The following AK8 variants were observed in gnomAD, a reference collection of about 807,000 sequenced individuals.
AK8 encodes ATP-AMP transphosphorylase 8.
Under a neutral mutation model 54.6 loss-of-function variants are expected in AK8, and 44 were observed. The observed-to-expected ratio is 0.81, with a 90% confidence interval of 0.63 to 1.04. The LOEUF (loss-of-function observed/expected upper bound fraction) is 1.04, where lower values mean the gene tolerates loss of function less well. Ranked by LOEUF, AK8 falls within the 50% of genes least tolerant of loss-of-function variation. The pLI, the probability that AK8 is intolerant of heterozygous loss-of-function variation, is 0.00. For missense variants in AK8, 555 were observed against 613.6 expected (o/e 0.90, Z 1.01); for synonymous variants, 239 against 245.6 (o/e 0.97, Z 0.25).
chr9:132,819,597 CATA>C (rs1278992005), intron 9 of AK8, among the ~76,000 whole-genome samples: 2 of 152,120 alleles, frequency 1.3e-5, no homozygotes, highest in Admixed American at 6.5e-5. Context: ...CAATAACTGA[CATA>C]ATAAGTAGAG....
Position 132,837,838 on chromosome 9 carries a change from CAAGCCCTCAG to C in AK8, c.403-9122_403-9113del, listed in dbSNP as rs376659563. Among the ~76,000 whole-genome samples the C allele has an allele frequency of 3.4e-4, 52 of 152,320 alleles. No individual in the cohort carries two copies. The highest frequency in any genetic ancestry group is 1.2e-3 in the African/African-American group (51 of 41,580). On this transcript the variant is annotated intron_variant, in intron 5 of 12. Coordinates refer to ENST00000298545, the MANE Select transcript of AK8 (RefSeq NM_152572.3). The surrounding 1 kb of genome is among the most constrained non-coding windows in gnomAD (Gnocchi z 4.3). ...CACTGTGCTGTGCCCGGCACCTCACCAAGCCCTCAGAAGCCCTGCCTCGCCGTGATGCGGG... is the reference window on the plus strand; with the variant it reads ...CACTGTGCTGTGCCCGGCACCTCACCAAGCCCTGCCTCGCCGTGATGCGGG...
rs898373995 is a variant in AK8 at position 132,860,897 on chromosome 9, A to G, written c.333+2768T>C. ...TGCCATTGTCCACACTGAATATTCA[A>G]TCTCAGTAGATCTGGACTAAAACAC... On this transcript the variant is annotated intron_variant, in intron 4 of 12. Coordinates refer to ENST00000298545, the MANE Select transcript of AK8 (RefSeq NM_152572.3). The surrounding 1 kb of genome is among the most constrained non-coding windows in gnomAD (Gnocchi z 4.4). 2.6e-5 allele frequency among the ~76,000 whole-genome samples: 4 copies of G among 152,176 alleles called. No homozygotes were observed. The highest frequency in any genetic ancestry group is 9.7e-5 in the African/African-American group (4 of 41,434).
chr9:132,823,171 C>T (rs776229893), intron 9 of AK8, 34 bp downstream of exon 9: 31 of 1,509,960 alleles, frequency 2.1e-5, no homozygotes, highest in Non-Finnish European at 2.6e-5. Context: ...GAAAGGCTCT[C>T]GAAGCTGGGC....
intron 11 of AK8, among the ~76,000 whole-genome samples, chr9:132,736,307 C>T (rs1477077295): frequency 2.6e-5 from 4 of 151,780 alleles, no homozygotes; most frequent in Admixed American, 2.6e-4. Flanking sequence ...CTGCCTCAGC[C>T]TCCCGAGTAG....
At chr9:132,855,033 GACC>G in intron 4 of AK8, 108 bp from the exon 5 acceptor site, 1 of 1,134,684 alleles carries the variant, frequency 8.8e-7, no homozygotes, top group South Asian at 1.3e-5. Context: ...GGAAAGCACC[GACC>G]ACCATCGGGC....
chr9:132,838,771 A>G (rs1334589460), intron 5 of AK8, among the ~76,000 whole-genome samples: 1 of 152,078 alleles, frequency 6.6e-6, no homozygotes, highest in Non-Finnish European at 1.5e-5. Flanking sequence ...CTCTGTTCTG[A>G]GCCACCTAGA....
chr9:132,872,467 A>AT (rs950431937), intron 2 of AK8, among the ~76,000 whole-genome samples: 6 of 151,570 alleles, frequency 4.0e-5, no homozygotes, highest in African/African-American at 1.5e-4. Context: ...TATCGAGCAC[A>AT]TTTTTTTTTA....
Position 132,833,766 on chromosome 9 carries a change from C to T in AK8, c.403-5040G>A, listed in dbSNP as rs142387099. 7.2e-4 allele frequency among the ~76,000 whole-genome samples: 110 copies of T among 152,344 alleles called. No homozygotes were observed. In the Middle Eastern group the frequency reaches 0.014, roughly 19 times the overall value. ...ACGCCAGTCAGCCTGGGGAACTTGG[C>T]GAGGCCCAGCAGAGCACGGCCTGAT... is the stretch of plus-strand genomic sequence containing the variant. On this transcript the variant is annotated intron_variant, in intron 5 of 12. Coordinates refer to ENST00000298545, the MANE Select transcript of AK8 (RefSeq NM_152572.3).
chr9:132,727,648 AT>A, intron 11 of AK8, 114 bp from the exon 12 acceptor site: 1 of 979,840 alleles, frequency 1.0e-6, no homozygotes, highest in Non-Finnish European at 1.5e-6. Context: ...GGGCTGGCCG[AT>A]TCCTAGAGCC....
In AK8 at chr9:132,826,858, G is replaced by A; in HGVS notation, c.753C>T (p.Tyr251=). Residue 251 remains tyrosine (Y), a synonymous_variant, in exon 8 of 13, where the codon TAC becomes TAT. Coordinates refer to ENST00000298545, the MANE Select transcript of AK8 (RefSeq NM_152572.3). This position sits in a 1 kb window ranked among gnomAD's most constrained non-coding sequence, Gnocchi z 4.5. ...GGGCTGCCTGCTTGTGTTTACCCTG[G>A]TAGAAGACGTCCACACATGGCTGGT... ...SADQPCVDVF[Y]QALTYVQSNH... 6.2e-7 allele frequency: 1 copy of A among 1,614,214 alleles called. No individual in the cohort carries two copies. The highest frequency in any genetic ancestry group is 1.7e-5 in the Admixed American group (1 of 60,032).
In AK8 at chr9:132,844,607, T is replaced by C. The variant is rs189163658; in HGVS notation, c.402+10250A>G. Among the ~76,000 whole-genome samples, 8 of 152,290 alleles carry C rather than the reference T, an allele frequency of 5.3e-5. No individual in the cohort carries two copies. The East Asian group carries it at 1.5e-3, about 29-fold the overall frequency. ...CTAACCTCTTACTCTTGAAATCCTG[T>C]CTCCAGCGGGAAGAGATGAAAAGGC... is the stretch of plus-strand genomic sequence containing the variant. On this transcript the variant is annotated intron_variant, in intron 5 of 12. Coordinates refer to ENST00000298545, the MANE Select transcript of AK8 (RefSeq NM_152572.3).
chr9:132,738,647 C>A (rs145508320), intron 11 of AK8, among the ~76,000 whole-genome samples: 191 of 151,928 alleles, frequency 1.3e-3, no homozygotes, highest in Non-Finnish European at 2.3e-3. Context: ...CCTTGGGCAA[C>A]ATCTCGTTTG....
intron 11 of AK8, among the ~76,000 whole-genome samples, chr9:132,792,388 A>C (rs764714322): frequency 6.6e-6 from 1 of 152,262 alleles, no homozygotes; most frequent in Admixed American, 6.5e-5. Flanking sequence ...CAAGGAAGGC[A>C]AGACTGGTAT....
intron 5 of AK8, among the ~76,000 whole-genome samples, chr9:132,831,361 A>C (rs1041850032): frequency 6.6e-6 from 1 of 152,172 alleles, no homozygotes; most frequent in Non-Finnish European, 1.5e-5. Context: ...TCATGTGCTT[A>C]AGTTGTTTTT....
intron 10 of AK8, among the ~76,000 whole-genome samples, chr9:132,808,302 T>C (rs1840820266): frequency 6.6e-6 from 1 of 152,128 alleles, no homozygotes; most frequent in South Asian, 2.1e-4. Flanking sequence ...TTTGTTCTGT[T>C]CACTGCAGCT....
chr9:132,752,089 G>A (rs543233263), intron 11 of AK8, among the ~76,000 whole-genome samples: 68 of 151,620 alleles, frequency 4.5e-4, no homozygotes, highest in African/African-American at 1.6e-3. Context: ...TGATCCACGC[G>A]CCTCGACCTC....
intron 10 of AK8, among the ~76,000 whole-genome samples, chr9:132,796,226 C>A (rs539185719): frequency 1.3e-5 from 2 of 152,228 alleles, no homozygotes; most frequent in African/African-American, 4.8e-5. Context: ...TGGCCTGGAG[C>A]CCCTGAGTCC....
chr9:132,786,444 G>A (rs1839710394), intron 11 of AK8, among the ~76,000 whole-genome samples: 1 of 152,164 alleles, frequency 6.6e-6, no homozygotes, highest in Non-Finnish European at 1.5e-5. Context: ...CCCCTCCCCT[G>A]CCCTTCCCAG....
chr9:132,824,911 C>A (rs1414985869), intron 8 of AK8, among the ~76,000 whole-genome samples: 2 of 152,102 alleles, frequency 1.3e-5, no homozygotes, highest in Non-Finnish European at 2.9e-5. Context: ...CCCAACAATC[C>A]CATGAGGGTT....
Sources: allele counts gnomAD v4.1 joint callset (sites outside exome capture counted in the v4.1 genomes callset), GRCh38; gene constraint gnomAD v4.1.1; non-coding constraint Gnocchi (gnomAD v3.1); transcripts MANE v1.5; gene names NCBI Gene and HGNC (gene_info 2026-07-23, HGNC 2026-07-21).